UBR4: variants seen among roughly 807,000 people sequenced by gnomAD.
UBR4 encodes ubiquitin protein ligase E3 component n-recognin 4, also known as E3 ubiquitin-protein ligase UBR4.
A neutral mutation model predicts 575.6 loss-of-function variants in UBR4; 124 were observed. The ratio of observed to expected loss-of-function variants is 0.22; its 90% CI spans 0.19 to 0.25. The LOEUF (loss-of-function observed/expected upper bound fraction) is 0.25, where lower values mean the gene tolerates loss of function less well. Among genes scored for constraint, UBR4 ranks in the 10% least tolerant of loss-of-function variants. The probability of loss-of-function intolerance (pLI) is 1.00; values close to 1 mark genes in which losing one functional copy is unlikely to be tolerated. For missense variants in UBR4, 4,818 were observed against 6,478.8 expected, an observed-to-expected ratio of 0.74 and a Z score of 8.80; for synonymous variants, 2,455 against 2,473.7, an observed-to-expected ratio of 0.99 and a Z score of 0.22.
chr1:19,155,291 A>C, intron 43 of UBR4, 150 bp downstream of exon 43: 1 of 1,036,238 alleles, frequency 9.7e-7, no homozygotes, highest in Non-Finnish European at 1.4e-6. Context: ...ATTAGGTAGA[A>C]AGTTAGATGG....
At chr1:19,094,212 A>C in intron 94 of UBR4, 73 bp from the exon 95 acceptor site, 1 of 1,198,716 alleles carries the variant, frequency 8.3e-7, no homozygotes, top group Non-Finnish European at 1.2e-6. Context: ...TCTGAGCCCC[A>C]AAAGTCACCA....
chr1:19,129,174 CAAG>C (rs2082148131), intron 60 of UBR4, 100 bp from the exon 61 acceptor site: 1 of 946,330 alleles, frequency 1.1e-6, no homozygotes, highest in Admixed American at 2.3e-5. Flanking sequence ...CCAAGGTCAA[CAAG>C]AAGCCTAATG....
rs376229500 is a variant in UBR4 at position 19,097,214 on chromosome 1, C to T, written c.13369G>A (p.Glu4457Lys). ...LLGDATEEFI[E>K]SLDSTTDEEE... Reference sequence around the variant, plus strand: ...CTACCTGTAGTAGAGTCCAGGGACTCAATGAACTCCTCTGTGGCATCGCCC... The same window carrying T: ...CTACCTGTAGTAGAGTCCAGGGACTTAATGAACTCCTCTGTGGCATCGCCC... The change falls in exon 91 of 106, where the codon GAG becomes AAG. Residue 4457 changes from glutamate (E) to lysine (K), a missense_variant. Around this residue, in one of 29 missense-constraint regions of UBR4, gnomAD observed 165 missense variants for 282.3 expected, o/e 0.58. Transcript: ENST00000375254. 15 of 1,613,660 alleles carry T rather than the reference C, an allele frequency of 9.3e-6. No individual in the cohort carries two copies. The highest frequency in any genetic ancestry group is 1.2e-5 in the Non-Finnish European group (14 of 1,179,802).
chr1:19,149,497 C>T (rs551898833), intron 49 of UBR4, among the ~76,000 whole-genome samples: 1 of 152,254 alleles, frequency 6.6e-6, no homozygotes, highest in South Asian at 2.1e-4. Context: ...CCTTTTCATC[C>T]ACTTAGAAAG....
At chr1:19,151,611 G>A in intron 48 of UBR4, 32 bp downstream of exon 48, 1 of 1,611,132 alleles carries the variant, frequency 6.2e-7, no homozygotes. Flanking sequence ...TCACAATGAG[G>A]ACAGAGTCTG....
rs933366925 is a variant in UBR4, at chr1:19,157,117, G to A, written c.5761-192C>T. 6.6e-6 allele frequency among the ~76,000 whole-genome samples: 1 copy of A among 152,178 alleles called. No homozygotes were observed. Among genetic ancestry groups the A allele is most frequent in the Admixed American group, 6.5e-5 (1 of 15,278 alleles). Reference sequence around the variant, plus strand: ...TAAAAGCTATGGAATGTATTTCCATGGAGGACAGAACAGGTAAGTAATGAA... The same window carrying A: ...TAAAAGCTATGGAATGTATTTCCATAGAGGACAGAACAGGTAAGTAATGAA... On this transcript the variant is annotated intron_variant, in intron 40 of 105. Coordinates refer to ENST00000375254, the MANE Select transcript of UBR4 (RefSeq NM_020765.3). The surrounding 1 kb of genome is among the most constrained non-coding windows in gnomAD (Gnocchi z 4.4).
chr1:19,094,972 C>T lies in UBR4; in HGVS notation c.13680G>A (p.Glu4560=), dbSNP rs368157893. 6.8e-6 allele frequency: 11 copies of T among 1,614,090 alleles called. No homozygotes were observed. In the African/African-American group the frequency reaches 1.3e-4, roughly 20 times the overall value. ...SKDSGGAAVA[E]QVLSIMEIIL... is the part of the protein sequence containing the mutation. Reference sequence around the variant, plus strand: ...TGATCTCCATGATGCTAAGCACCTGCTCAGCCACAGCTGCACCCCCACTGT... The same window carrying T: ...TGATCTCCATGATGCTAAGCACCTGTTCAGCCACAGCTGCACCCCCACTGT... Residue 4560 remains glutamate (E), a synonymous_variant, in exon 94 of 106, where the codon GAG becomes GAA. Coordinates refer to ENST00000375254, the MANE Select transcript of UBR4 (RefSeq NM_020765.3).
At position 19,081,517 on chromosome 1, in the gene UBR4, T is replaced by C; in HGVS notation, c.15065A>G (p.Lys5022Arg). 1 of 1,613,952 alleles carries C rather than the reference T, an allele frequency of 6.2e-7. No homozygotes were observed. The highest frequency in any genetic ancestry group is 2.2e-5 in the East Asian group (1 of 44,838). The change falls in exon 103 of 106, where the codon AAG becomes AGG. Residue 5022 changes from lysine to arginine, a missense_variant. Around this residue, in one of 29 missense-constraint regions of UBR4, gnomAD observed 212 missense variants for 221.3 expected, o/e 0.96. Transcript: ENST00000375254. ...AAAGGCACTCTCCACCCACTTCTCCTTGGGCTGTTCCAGAAAGCCTTGGAG... is the reference window on the plus strand; with the variant it reads ...AAAGGCACTCTCCACCCACTTCTCCCTGGGCTGTTCCAGAAAGCCTTGGAG... ...KNLQGFLEQP[K>R]EKWVESAFEV...
rs746360249 is a variant in UBR4, at chr1:19,185,119, T to G, written c.1918A>C (p.Ser640Arg). Residue 640 changes from serine (S) to arginine (R), a missense_variant, in exon 15 of 106, where the codon AGT (serine) becomes CGT (arginine). Coordinates refer to ENST00000375254, the MANE Select transcript of UBR4 (RefSeq NM_020765.3). Reference sequence around the variant, plus strand: ...CTTACCAACTCAGGATCTTTGCGACTCGCCAGAATGTTGCCCTTCTCACCA... The same window carrying G: ...CTTACCAACTCAGGATCTTTGCGACGCGCCAGAATGTTGCCCTTCTCACCA... ...APGEKGNILA[S>R]RKDPELFLGL... 1.5e-5 allele frequency: 25 copies of G among 1,614,066 alleles called. No homozygotes were observed. Among genetic ancestry groups the G allele is most frequent in the Middle Eastern group, 1.6e-4 (1 of 6,084 alleles).
chr1:19,151,748 T>G lies in UBR4; in HGVS notation c.7108A>C (p.Ile2370Leu). 4 of 1,614,170 alleles carry G rather than the reference T, an allele frequency of 2.5e-6. No homozygotes were observed. The highest frequency in any genetic ancestry group is 3.4e-6 in the Non-Finnish European group (4 of 1,180,020). The stretch of plus-strand genomic sequence containing the variant: ...TTGAGCTGCATAGTTCTGCCGAAGA[T>G]CTCGATATATGACGGGGCCCGTTCT... ...AIERAPSYIE[I>L]FGRTMQLNLS... Residue 2370 changes from isoleucine to leucine, a missense_variant, in exon 48 of 106, where the codon ATC becomes CTC. Physicochemically the swap from Ile to Leu is conservative, Grantham distance 5. Coordinates refer to ENST00000375254, the MANE Select transcript of UBR4 (RefSeq NM_020765.3).
At chr1:19,184,602 T>C (rs1344670345) in intron 15 of UBR4, among the ~76,000 whole-genome samples, 1 of 152,194 alleles carries the variant, frequency 6.6e-6, no homozygotes, top group Non-Finnish European at 1.5e-5. Flanking sequence ...TATAAATGTT[T>C]TTTGTCCACA....
At position 19,089,042 on chromosome 1, in the gene UBR4, C is replaced by T; in HGVS notation, c.14212-65G>A. The T allele has an allele frequency of 6.5e-7, 1 of 1,543,408 alleles. No homozygotes were observed. Among genetic ancestry groups the T allele is most frequent in the South Asian group, 1.2e-5 (1 of 86,340 alleles). ...TGTAGACAAACCTTCTTCCCGGGAG[C>T]TTAAAGGTTTAGAAACTCAACCAGC... On this transcript the variant is annotated intron_variant, in intron 97 of 105. Coordinates refer to ENST00000375254, the MANE Select transcript of UBR4 (RefSeq NM_020765.3). The surrounding 1 kb of genome is among the most constrained non-coding windows in gnomAD (Gnocchi z 4.3).
chr1:19,150,455 T>C, intron 49 of UBR4, 122 bp downstream of exon 49: 1 of 1,141,934 alleles, frequency 8.8e-7, no homozygotes, highest in Non-Finnish European at 1.3e-6. Context: ...GTATGAAAAC[T>C]TAAAAAAATT....
At position 19,148,676 on chromosome 1, in the gene UBR4, T is replaced by C. The variant is rs751931193; in HGVS notation, c.7431-50A>G. 7.5e-6 allele frequency: 12 copies of C among 1,606,736 alleles called. No individual in the cohort carries two copies. In the East Asian group the frequency reaches 2.7e-4, roughly 36 times the overall value. On this transcript the variant is annotated intron_variant, in intron 49 of 105. Transcript: ENST00000375254. ...GAGTACAACACCGTTCTCTCCGCCTTGCGCTTTAGCCTAAGCAAACTATAG... is the reference window on the plus strand; with the variant it reads ...GAGTACAACACCGTTCTCTCCGCCTCGCGCTTTAGCCTAAGCAAACTATAG...
intron 21 of UBR4, 138 bp from the exon 22 acceptor site, chr1:19,174,585 T>C: frequency 7.7e-7 from 1 of 1,299,138 alleles, no homozygotes; most frequent in Non-Finnish European, 1.0e-6. Flanking sequence ...TGGAACAGAT[T>C]CCCATTCTGG....
chr1:19,144,647 A>T, intron 54 of UBR4, 139 bp downstream of exon 54: 1 of 1,246,710 alleles, frequency 8.0e-7, no homozygotes, highest in Non-Finnish European at 1.1e-6. Context: ...AAGATCTTAA[A>T]GCTTTTATTG....
At chr1:19,172,138 T>C (rs1315283438) in intron 25 of UBR4, among the ~76,000 whole-genome samples, 1 of 152,242 alleles carries the variant, frequency 6.6e-6, no homozygotes, top group African/African-American at 2.4e-5. Context: ...TTGCAGTGTT[T>C]GTTATAGAAA....
chr1:19,097,188 T>TGCATACTA lies in UBR4; in HGVS notation c.13390+4_13390+5insTAGTATGC, dbSNP rs759452564. 6.2e-7 allele frequency: 1 copy of TGCATACTA among 1,610,202 alleles called. No homozygotes were observed. Among genetic ancestry groups the TGCATACTA allele is most frequent in the Non-Finnish European group, 8.5e-7 (1 of 1,178,758 alleles). ...TCAGATCCAATGTGCAGTGCCATGA[T>TGCATACTA]CTACCTGTAGTAGAGTCCAGGGACT... On this transcript the variant is annotated splice_donor_region_variant and intron_variant, in intron 91 of 105. Coordinates refer to ENST00000375254, the MANE Select transcript of UBR4 (RefSeq NM_020765.3).
In UBR4 at chr1:19,157,286, T is replaced by A. The variant is rs1472164407; in HGVS notation, c.5761-361A>T. ...CCATATTTTCACTTAAAATAAAAGTTAAAACAACATTAGTGGTGATGGAGA... is the reference window on the plus strand; with the variant it reads ...CCATATTTTCACTTAAAATAAAAGTAAAAACAACATTAGTGGTGATGGAGA... On this transcript the variant is annotated intron_variant, in intron 40 of 105. Coordinates refer to ENST00000375254, the MANE Select transcript of UBR4 (RefSeq NM_020765.3). This position sits in a 1 kb window ranked among gnomAD's most constrained non-coding sequence, Gnocchi z 4.4. Among the ~76,000 whole-genome samples the A allele has an allele frequency of 6.6e-6, 1 of 152,220 alleles. No individual in the cohort carries two copies. The highest frequency in any genetic ancestry group is 2.4e-5 in the African/African-American group (1 of 41,466).
Sources: gnomAD v4.1 joint callset for allele counts (sites outside exome capture counted in the v4.1 genomes callset) on GRCh38, gnomAD v4.1.1 for gene constraint, gnomAD v4.1.1 regional missense constraint, Gnocchi (gnomAD v3.1) non-coding constraint, MANE v1.5 for transcripts, NCBI Gene and HGNC (gene_info 2026-07-23, HGNC 2026-07-21) for gene names.